The following DNM3 variants were observed in gnomAD, a reference collection of about 807,000 sequenced individuals.
DNM3 encodes dynamin-3.
DNM3 carries 47 observed loss-of-function variants against 101.6 expected under a neutral mutation model. The ratio of observed to expected loss-of-function variants is 0.46; its 90% CI spans 0.37 to 0.59. DNM3 has a LOEUF of 0.59. Among genes scored for constraint, DNM3 ranks in the 20% least tolerant of loss-of-function variants. DNM3 has a pLI of 0.00. For synonymous variants in DNM3, 385 were observed against 387.9 expected (o/e 0.99, Z 0.09); for missense variants, 849 against 1,085.7 (o/e 0.78, Z 3.06).
rs60936293 is a variant in DNM3, at chr1:171,944,339, G to GTATTTATT, written c.235+22556_235+22563dup. ...CATATTTTGCCAACTTTTAAACAAT[G>GTATTTATT]TATTTATTTATTTATTTATTTATTT... On this transcript the variant is annotated intron_variant, in intron 2 of 20. Coordinates refer to ENST00000627582, the MANE Select transcript of DNM3 (RefSeq NM_015569.5). 3.3e-4 allele frequency among the ~76,000 whole-genome samples: 49 copies of GTATTTATT among 146,972 alleles called. 1 individual carries two copies. The highest frequency in any genetic ancestry group is 6.1e-4 in the African/African-American group (24 of 39,496).
At chr1:172,167,865 A>G (rs1432215358) in intron 14 of DNM3, among the ~76,000 whole-genome samples, 1 of 152,056 alleles carries the variant, frequency 6.6e-6, no homozygotes. Flanking sequence ...AGGAACTTGA[A>G]GTAGAGAGAC....
intron 15 of DNM3, among the ~76,000 whole-genome samples, chr1:172,276,284 T>G (rs2063283264): frequency 6.6e-6 from 1 of 151,992 alleles, no homozygotes; most frequent in African/African-American, 2.4e-5. Flanking sequence ...GTGAATGATG[T>G]CATAGAAGAG....
At chr1:172,131,778 T>C (rs2056949408) in intron 14 of DNM3, 1 of 393,288 alleles carries the variant, frequency 2.5e-6, no homozygotes, top group Non-Finnish European at 5.0e-6. Context: ...GAGTCTCAGA[T>C]CATTGTTTAT....
At chr1:172,265,494 G>A (rs2062825337) in intron 15 of DNM3, among the ~76,000 whole-genome samples, 1 of 152,106 alleles carries the variant, frequency 6.6e-6, no homozygotes, top group Non-Finnish European at 1.5e-5. Context: ...TTTTAAAGAT[G>A]GCATCATAGA....
intron 14 of DNM3, among the ~76,000 whole-genome samples, chr1:172,204,672 T>TA (rs961647512): frequency 6.6e-6 from 1 of 152,128 alleles, no homozygotes; most frequent in Non-Finnish European, 1.5e-5. Context: ...TTTCTCCTTC[T>TA]AAAAAAACAG....
In DNM3 at chr1:172,253,594, C is replaced by T; in HGVS notation, c.1681C>T (p.Leu561Phe). 6.3e-7 allele frequency: 1 copy of T among 1,580,140 alleles called. No individual in the cohort carries two copies. The highest frequency in any genetic ancestry group is 8.6e-7 in the Non-Finnish European group (1 of 1,161,748). ...ATAGGAAAAAGAAAAGAAGTACATGCTTCCCTTGGACAACCTGAAAGTTCG... is the reference window on the plus strand; with the variant it reads ...ATAGGAAAAAGAAAAGAAGTACATGTTTCCCTTGGACAACCTGAAAGTTCG... ...DDEEKEKKYM[L>F]PLDNLKVRDV... The change falls in exon 15 of 21, where the codon CTT (leucine) becomes TTT (phenylalanine). Residue 561 changes from leucine to phenylalanine, a missense_variant. By Grantham distance (22) the Leu-to-Phe change is conservative. Coordinates refer to ENST00000627582, the MANE Select transcript of DNM3 (RefSeq NM_015569.5).
Position 172,253,663 on chromosome 1 carries a change from C to A in DNM3, c.1750C>A (p.Leu584Ile). 6.3e-7 allele frequency: 1 copy of A among 1,581,094 alleles called. No homozygotes were observed. Among genetic ancestry groups the A allele is most frequent in the Non-Finnish European group, 8.6e-7 (1 of 1,162,696 alleles). The change falls in exon 15 of 21, where the codon CTC becomes ATC. Residue 584 changes from leucine (L) to isoleucine (I), a missense_variant. By Grantham distance (5) the Leu-to-Ile change is conservative. This residue lies in a region of DNM3 where 193 missense variants were observed against 238.4 expected (regional missense o/e 0.81). Transcript: ENST00000627582. ...TATGTCTAGCAAGCACATCTTTGCA[C>A]TCTTTAATACAGAGCAAAGGTAAGA... The part of the protein sequence containing the change: ...SFMSSKHIFA[L>I]FNTEQRNVYK...
At chr1:172,230,142 C>T (rs1378959138) in intron 14 of DNM3, among the ~76,000 whole-genome samples, 2 of 151,284 alleles carry the variant, frequency 1.3e-5, no homozygotes, top group Non-Finnish European at 2.9e-5. Flanking sequence ...GGCCTATATT[C>T]TGAGAATTCT....
chr1:172,359,464 A>T (rs1180554159), intron 17 of DNM3, among the ~76,000 whole-genome samples: 1 of 151,792 alleles, frequency 6.6e-6, no homozygotes, highest in African/African-American at 2.4e-5. Flanking sequence ...CTTTAATTTG[A>T]GATTGGCATT....
At chr1:171,868,876 C>A (rs1012973725) in intron 1 of DNM3, among the ~76,000 whole-genome samples, 1 of 152,044 alleles carries the variant, frequency 6.6e-6, no homozygotes, top group South Asian at 2.1e-4. Flanking sequence ...ATCTGCCTCC[C>A]GGGTTCAAGC....
chr1:172,119,476 T>G (rs1198790361), intron 13 of DNM3, among the ~76,000 whole-genome samples: 1 of 152,054 alleles, frequency 6.6e-6, no homozygotes, highest in Non-Finnish European at 1.5e-5. Context: ...GTATTCTCTG[T>G]TCTCTCTCTC....
chr1:171,852,143 CA>C (rs1410108617), intron 1 of DNM3, among the ~76,000 whole-genome samples: 3 of 152,158 alleles, frequency 2.0e-5, no homozygotes, highest in Non-Finnish European at 2.9e-5. Flanking sequence ...ACATGTAATA[CA>C]AATTCAGACA....
chr1:172,142,719 T>C (rs1057409261), intron 14 of DNM3, among the ~76,000 whole-genome samples: 1 of 147,672 alleles, frequency 6.8e-6, no homozygotes, highest in African/African-American at 2.5e-5. Context: ...AATTTTGAAA[T>C]GTAATCATTT....
intron 15 of DNM3, among the ~76,000 whole-genome samples, chr1:172,289,131 A>G (rs1449479967): frequency 6.6e-6 from 1 of 152,106 alleles, no homozygotes; most frequent in African/African-American, 2.4e-5. Flanking sequence ...TAAGCTTGGG[A>G]AGTCCTGTAT....
intron 20 of DNM3, among the ~76,000 whole-genome samples, chr1:172,404,834 T>C (rs1407032292): frequency 1.3e-5 from 2 of 152,132 alleles, no homozygotes; most frequent in Non-Finnish European, 2.9e-5. Context: ...CTTTCATATT[T>C]GTTTTATTCC....
intron 4 of DNM3, among the ~76,000 whole-genome samples, chr1:172,011,623 G>A (rs1353070677): frequency 6.6e-6 from 1 of 151,944 alleles, no homozygotes; most frequent in Non-Finnish European, 1.5e-5. Context: ...AGATATGCCT[G>A]AACTCTGTTA....
At chr1:172,080,374 G>A (rs1454237756) in intron 11 of DNM3, among the ~76,000 whole-genome samples, 1 of 152,166 alleles carries the variant, frequency 6.6e-6, no homozygotes, top group Non-Finnish European at 1.5e-5. Context: ...TTGTTGAACT[G>A]TAGTGGAGTC....
At chr1:172,171,037 A>G (rs1396054258) in intron 14 of DNM3, among the ~76,000 whole-genome samples, 2 of 151,768 alleles carry the variant, frequency 1.3e-5, no homozygotes, top group Non-Finnish European at 2.9e-5. Flanking sequence ...TCTCTTCTGT[A>G]TGCTGGTCTT....
chr1:172,138,358 A>AG (rs1377481799), intron 14 of DNM3: 1 of 149,432 alleles, frequency 6.7e-6, no homozygotes. Flanking sequence ...TTCCAAAAAA[A>AG]AAAAAAAAAA....
Sources: gnomAD v4.1 joint callset for allele counts (sites outside exome capture counted in the v4.1 genomes callset) on GRCh38, gnomAD v4.1.1 for gene constraint, gnomAD v4.1.1 regional missense constraint, MANE v1.5 for transcripts, NCBI Gene and HGNC (gene_info 2026-07-23, HGNC 2026-07-21) for gene names.